The following PPFIA2 variants were observed in gnomAD, a reference collection of about 807,000 sequenced individuals.
PPFIA2 encodes the protein liprin-alpha-2.
A neutral mutation model predicts 175.5 loss-of-function variants in PPFIA2; 46 were observed. That is an observed-to-expected ratio of 0.26 (90% confidence interval 0.21 to 0.34). PPFIA2 has a LOEUF of 0.34. PPFIA2 is among the 10% of genes least tolerant of loss of function. PPFIA2 has a pLI of 1.00. For missense variants in PPFIA2, 1,179 were observed against 1,506.1 expected (o/e 0.78, Z 3.60); for synonymous variants, 568 against 511.4 (o/e 1.11, Z -1.49).
intron 4 of PPFIA2, among the ~76,000 whole-genome samples, chr12:81,508,875 T>C (rs982702904): frequency 6.6e-6 from 1 of 151,630 alleles, no homozygotes; most frequent in Non-Finnish European, 1.5e-5. Flanking sequence ...TTTGGTTTTT[T>C]GTTCTTGCGA....
At chr12:81,678,695 C>A (rs963678874) in intron 3 of PPFIA2, among the ~76,000 whole-genome samples, 14 of 151,766 alleles carry the variant, frequency 9.2e-5, no homozygotes, top group African/African-American at 3.4e-4. Context: ...TAGGGACCTG[C>A]CAGAGAATTA....
At chr12:81,490,890 T>A (rs187545405) in intron 4 of PPFIA2, among the ~76,000 whole-genome samples, 1 of 151,968 alleles carries the variant, frequency 6.6e-6, no homozygotes, top group Admixed American at 6.6e-5. Context: ...TGGAAGCAAA[T>A]GACATCCTAA....
chr12:81,389,821 C>G (rs528778639), intron 8 of PPFIA2, among the ~76,000 whole-genome samples: 1 of 152,002 alleles, frequency 6.6e-6, no homozygotes, highest in Non-Finnish European at 1.5e-5. Context: ...CGCCATAAAA[C>G]GCACCCTTTA....
chr12:81,509,944 G>A (rs2147758653), intron 4 of PPFIA2, among the ~76,000 whole-genome samples: 1 of 152,174 alleles, frequency 6.6e-6, no homozygotes, highest in African/African-American at 2.4e-5. Context: ...AAAGGCAACT[G>A]GAATTTAGAA....
intron 3 of PPFIA2, among the ~76,000 whole-genome samples, chr12:81,749,856 C>A (rs1425120234): frequency 6.9e-6 from 1 of 143,972 alleles, no homozygotes; most frequent in Non-Finnish European, 1.6e-5. Context: ...CAAATCTGAT[C>A]TTCCTATTTC....
intron 4 of PPFIA2, among the ~76,000 whole-genome samples, chr12:81,640,050 A>G (rs1158872300): frequency 6.6e-6 from 1 of 152,132 alleles, no homozygotes; most frequent in Non-Finnish European, 1.5e-5. Flanking sequence ...GAAATATTTG[A>G]AGTTTCGGAA....
chr12:81,696,655 G>A (rs1006780299), intron 3 of PPFIA2, among the ~76,000 whole-genome samples: 6 of 152,078 alleles, frequency 3.9e-5, no homozygotes, highest in Middle Eastern at 3.4e-3. Flanking sequence ...TGGCCTCAGC[G>A]AAACTTTTTC....
chr12:81,277,305 A>C lies in PPFIA2; in HGVS notation c.3310+12T>G. On this transcript the variant is annotated intron_variant, in intron 28 of 32. Transcript: ENST00000549396. Reference sequence around the variant, plus strand: ...GAATAAAGGCATTTCATATGAAAGAAAGATATATTACCTTTTATTTCATGT... The same window carrying C: ...GAATAAAGGCATTTCATATGAAAGACAGATATATTACCTTTTATTTCATGT... The C allele has an allele frequency of 6.5e-7, 1 of 1,527,144 alleles. No individual in the cohort carries two copies. The highest frequency in any genetic ancestry group is 1.3e-5 in the South Asian group (1 of 78,364). The allele number at this position is 1,527,144 out of a possible 1,614,324, so 94.6% of individuals were successfully genotyped here.
chr12:81,380,931 T>C (rs897122904), intron 9 of PPFIA2, among the ~76,000 whole-genome samples: 4 of 151,388 alleles, frequency 2.6e-5, no homozygotes, highest in Admixed American at 6.6e-5. Flanking sequence ...ACCTGAATAT[T>C]TCAGAATTCG....
At chr12:81,488,659 C>A (rs1156610357) in intron 4 of PPFIA2, among the ~76,000 whole-genome samples, 1 of 151,794 alleles carries the variant, frequency 6.6e-6, no homozygotes, top group Non-Finnish European at 1.5e-5. Context: ...GAAAACTCTT[C>A]TTCATTCTTT....
intron 24 of PPFIA2, among the ~76,000 whole-genome samples, chr12:81,293,423 T>C (rs2045581307): frequency 6.6e-6 from 1 of 152,066 alleles, no homozygotes; most frequent in Admixed American, 6.6e-5. Context: ...ATATTCCAGA[T>C]ATTCCATTTG....
At position 81,303,690 on chromosome 12, in the gene PPFIA2, G is replaced by A. The variant is rs117766024; in HGVS notation, c.2643-4308C>T. ...AGGTCTGTGAATAATTTGCAAGTCCGTATCTAAATGTGCAGAGGGAAGTCT... is the reference window on the plus strand; with the variant it reads ...AGGTCTGTGAATAATTTGCAAGTCCATATCTAAATGTGCAGAGGGAAGTCT... On this transcript the variant is annotated intron_variant, in intron 22 of 32. Coordinates refer to ENST00000549396, the MANE Select transcript of PPFIA2 (RefSeq NM_003625.5). Among the ~76,000 whole-genome samples the A allele has an allele frequency of 5.3e-5, 8 of 152,244 alleles. No homozygotes were observed. In the East Asian group the frequency reaches 1.4e-3, roughly 26 times the overall value.
At chr12:81,320,834 C>T (rs2053502420) in intron 22 of PPFIA2, among the ~76,000 whole-genome samples, 1 of 151,922 alleles carries the variant, frequency 6.6e-6, no homozygotes, top group African/African-American at 2.4e-5. Flanking sequence ...AAACAGACAT[C>T]CTCATCTTTA....
At chr12:81,524,383 T>C (rs555293707) in intron 4 of PPFIA2, among the ~76,000 whole-genome samples, 1 of 152,334 alleles carries the variant, frequency 6.6e-6, no homozygotes, top group Non-Finnish European at 1.5e-5. Context: ...AGGAGACCTC[T>C]GCCCCAGTGG....
chr12:81,687,754 ATATT>A (rs1245215598), intron 3 of PPFIA2, among the ~76,000 whole-genome samples: 1 of 151,920 alleles, frequency 6.6e-6, no homozygotes, highest in East Asian at 1.9e-4. Context: ...AAGGTTTGGA[ATATT>A]TATTATAATA....
intron 4 of PPFIA2, among the ~76,000 whole-genome samples, chr12:81,638,572 G>T (rs2153510951): frequency 6.6e-6 from 1 of 151,324 alleles, no homozygotes; most frequent in South Asian, 2.1e-4. Flanking sequence ...AATGCAAGAT[G>T]ATCGCTTTAT....
chr12:81,724,455 C>T (rs973102496), intron 3 of PPFIA2, among the ~76,000 whole-genome samples: 2 of 150,774 alleles, frequency 1.3e-5, no homozygotes, highest in Non-Finnish European at 3.0e-5. Flanking sequence ...CATTAGGTAA[C>T]TTTTCATCCC....
At chr12:81,611,420 C>A (rs539755091) in intron 4 of PPFIA2, among the ~76,000 whole-genome samples, 1 of 152,178 alleles carries the variant, frequency 6.6e-6, no homozygotes, top group Non-Finnish European at 1.5e-5. Context: ...CTCTTCACTG[C>A]AGCCCTGGGG....
chr12:81,274,603 C>T (rs1438724727), intron 28 of PPFIA2, among the ~76,000 whole-genome samples: 1 of 151,956 alleles, frequency 6.6e-6, no homozygotes, highest in Non-Finnish European at 1.5e-5. Flanking sequence ...GTGTAGAAAT[C>T]TTCTTGACCT....
Sources: allele counts gnomAD v4.1 joint callset (sites outside exome capture counted in the v4.1 genomes callset), GRCh38; gene constraint gnomAD v4.1.1; transcripts MANE v1.5; gene names NCBI Gene and HGNC (gene_info 2026-07-23, HGNC 2026-07-21).